Variants in GABRB2 observed in about 807,000 individuals in gnomAD.
The protein encoded by GABRB2 is gamma-aminobutyric acid type A receptor subunit beta2.
GABRB2 carries 16 observed loss-of-function variants against 54.7 expected under a neutral mutation model. The observed-to-expected ratio is 0.29, with a 90% confidence interval of 0.20 to 0.44. The LOEUF is 0.44. GABRB2 is among the 20% of genes least tolerant of loss of function. The probability of loss-of-function intolerance (pLI) is 1.00; values close to 1 mark genes in which losing one functional copy is unlikely to be tolerated. For missense variants in GABRB2, 355 were observed against 644.0 expected, an observed-to-expected ratio of 0.55 and a Z score of 4.86; for synonymous variants, 244 against 233.8, an observed-to-expected ratio of 1.04 and a Z score of -0.40.
chr5:161,315,340 G>A (rs547582463), intron 9 of GABRB2, among the ~76,000 whole-genome samples: 1 of 152,280 alleles, frequency 6.6e-6, no homozygotes, highest in South Asian at 2.1e-4. Flanking sequence ...CACTGAATCA[G>A]GTGCGATTTA....
intron 5 of GABRB2, among the ~76,000 whole-genome samples, chr5:161,365,407 T>C (rs1754943595): frequency 2.0e-5 from 3 of 152,198 alleles, no homozygotes; most frequent in African/African-American, 7.2e-5. Flanking sequence ...CCTCTTTGCC[T>C]TATTTTGTAA....
At chr5:161,327,542 AG>A (rs1383932437) in intron 8 of GABRB2, among the ~76,000 whole-genome samples, 1 of 151,844 alleles carries the variant, frequency 6.6e-6, no homozygotes, top group Admixed American at 6.6e-5. Flanking sequence ...ATGACAGGAC[AG>A]GAATTATTTT....
intron 4 of GABRB2, among the ~76,000 whole-genome samples, chr5:161,455,182 T>A (rs956147605): frequency 6.6e-6 from 1 of 152,172 alleles, no homozygotes; most frequent in Non-Finnish European, 1.5e-5. Flanking sequence ...GACTTAGAGC[T>A]CTTGTGCACC....
intron 3 of GABRB2, among the ~76,000 whole-genome samples, chr5:161,516,649 T>TTC (rs1759959176): frequency 6.6e-6 from 1 of 152,082 alleles, no homozygotes; most frequent in Admixed American, 6.5e-5. Flanking sequence ...AAGTAAAGAT[T>TTC]TTTTTTTATT....
chr5:161,344,435 A>G (rs1160413746), intron 5 of GABRB2, among the ~76,000 whole-genome samples: 1 of 152,032 alleles, frequency 6.6e-6, no homozygotes, highest in Non-Finnish European at 1.5e-5. Context: ...TTTTATTCAT[A>G]TTCTTCAACA....
Position 161,395,819 on chromosome 5 carries a change from C to A in GABRB2, c.541+15156G>T, listed in dbSNP as rs938595045. On this transcript the variant is annotated intron_variant, in intron 5 of 9. Transcript: ENST00000393959. ...TTAGAGAATGATTGGGCTGAAGAGC[C>A]AAGACTGCCCACTCCAGCCCTTATA... Among the ~76,000 whole-genome samples, 22 of 152,104 alleles carry A rather than the reference C, an allele frequency of 1.4e-4. 1 individual carries two copies. Among genetic ancestry groups the A allele is most frequent in the Admixed American group, 7.2e-4 (11 of 15,270 alleles).
chr5:161,420,235 A>G (rs1007507127), intron 4 of GABRB2, among the ~76,000 whole-genome samples: 4 of 152,160 alleles, frequency 2.6e-5, no homozygotes, highest in African/African-American at 9.7e-5. Flanking sequence ...ACAAATGCAA[A>G]AAAAAAATGT....
intron 3 of GABRB2, among the ~76,000 whole-genome samples, chr5:161,520,662 T>A (rs1162959981): frequency 6.6e-6 from 1 of 152,062 alleles, no homozygotes; most frequent in Non-Finnish European, 1.5e-5. Context: ...AGCGTTTATG[T>A]TATAAATGCC....
At chr5:161,475,347 T>TA (rs1758562625) in intron 3 of GABRB2, among the ~76,000 whole-genome samples, 1 of 151,874 alleles carries the variant, frequency 6.6e-6, no homozygotes. Context: ...TTCCTCACCT[T>TA]ACAGTTGAAA....
At chr5:161,516,485 A>G (rs1223700353) in intron 3 of GABRB2, among the ~76,000 whole-genome samples, 1 of 152,156 alleles carries the variant, frequency 6.6e-6, no homozygotes, top group Non-Finnish European at 1.5e-5. Context: ...ATTACAGAAG[A>G]TGGAAGTGAA....
chr5:161,529,817 T>C (rs534730551), intron 3 of GABRB2, among the ~76,000 whole-genome samples: 1 of 152,222 alleles, frequency 6.6e-6, no homozygotes, highest in East Asian at 1.9e-4. Context: ...AGAATTTACA[T>C]GTATTTTGAT....
intron 4 of GABRB2, among the ~76,000 whole-genome samples, chr5:161,411,602 T>C (rs958049318): frequency 4.6e-5 from 7 of 152,188 alleles, no homozygotes; most frequent in Non-Finnish European, 8.8e-5. Flanking sequence ...CTATACCTGA[T>C]TTCTGTCCTG....
At chr5:161,395,347 A>G (rs1314454392) in intron 5 of GABRB2, among the ~76,000 whole-genome samples, 1 of 152,138 alleles carries the variant, frequency 6.6e-6, no homozygotes, top group African/African-American at 2.4e-5. Flanking sequence ...GAAGATAGTA[A>G]ATGATTAACA....
At chr5:161,331,893 C>T (rs555602437) in intron 7 of GABRB2, among the ~76,000 whole-genome samples, 50 of 151,914 alleles carry the variant, frequency 3.3e-4, no homozygotes, top group East Asian at 9.7e-4. Flanking sequence ...TGGCCGGGCG[C>T]GGTGGCTCAC....
chr5:161,336,785 T>TACACAC lies in GABRB2; in HGVS notation c.542-22_542-17dup, dbSNP rs141330383. 7.3e-7 allele frequency: 1 copy of TACACAC among 1,360,606 alleles called. No homozygotes were observed. Among genetic ancestry groups the TACACAC allele is most frequent in the Non-Finnish European group, 1.0e-6 (1 of 1,002,582 alleles). The allele number at this position is 1,360,606 out of a possible 1,614,324, so 84.3% of individuals were successfully genotyped here. ...GTGTATCCATCTGTGAAAGGAAACA[T>TACACAC]ACACACACACACACACAAATACAGA... On this transcript the variant is annotated splice_polypyrimidine_tract_variant and intron_variant, in intron 5 of 9. Coordinates refer to ENST00000393959, the MANE Select transcript of GABRB2 (RefSeq NM_001371727.1).
chr5:161,399,356 T>A (rs996067905), intron 5 of GABRB2, among the ~76,000 whole-genome samples: 2 of 152,038 alleles, frequency 1.3e-5, no homozygotes, highest in African/African-American at 4.8e-5. Flanking sequence ...TTTCTATGGT[T>A]CTAAACGTGA....
chr5:161,339,561 A>C (rs934612996), intron 5 of GABRB2, among the ~76,000 whole-genome samples: 1 of 152,140 alleles, frequency 6.6e-6, no homozygotes, highest in Non-Finnish European at 1.5e-5. Context: ...CTTGTCTAGC[A>C]AATGAAAAAG....
intron 4 of GABRB2, among the ~76,000 whole-genome samples, chr5:161,411,674 T>G (rs919588995): frequency 6.6e-6 from 1 of 152,158 alleles, no homozygotes; most frequent in Admixed American, 6.6e-5. Context: ...CATAGTTATA[T>G]ATTTAGAACA....
chr5:161,448,651 C>T, intron 4 of GABRB2, among the ~76,000 whole-genome samples: 1 of 152,100 alleles, frequency 6.6e-6, no homozygotes, highest in Admixed American at 6.6e-5. Context: ...AACTTAAAAA[C>T]ATGGTTGTAT....
Sources: gnomAD v4.1 joint callset for allele counts (sites outside exome capture counted in the v4.1 genomes callset) on GRCh38, gnomAD v4.1.1 for gene constraint, MANE v1.5 for transcripts, NCBI Gene and HGNC (gene_info 2026-07-23, HGNC 2026-07-21) for gene names.